The following AUTS2 variants were observed in gnomAD, a reference collection of about 807,000 sequenced individuals.
AUTS2 encodes the protein activator of transcription and developmental regulator AUTS2.
AUTS2 carries 17 observed loss-of-function variants against 112.4 expected under a neutral mutation model. That is an observed-to-expected ratio of 0.15 (90% CI 0.10 to 0.23). The LOEUF is 0.23. Among genes scored for constraint, AUTS2 ranks in the 10% least tolerant of loss-of-function variants. The probability of loss-of-function intolerance (pLI) is 1.00; values close to 1 mark genes in which losing one functional copy is unlikely to be tolerated. For missense variants in AUTS2, 1,510 were observed against 1,701.6 expected (o/e 0.89, Z 1.98); for synonymous variants, 751 against 702.7 (o/e 1.07, Z -1.09).
At chr7:70,303,439 T>TACACACAC (rs371608891) in intron 4 of AUTS2, among the ~76,000 whole-genome samples, 42 of 143,296 alleles carry the variant, frequency 2.9e-4, no homozygotes, top group African/African-American at 4.6e-4. Context: ...CGCGCGCACA[T>TACACACAC]ACACACACAC....
At chr7:69,669,640 A>G (rs1796223588) in intron 1 of AUTS2, among the ~76,000 whole-genome samples, 1 of 152,188 alleles carries the variant, frequency 6.6e-6, no homozygotes, top group Admixed American at 6.5e-5. Context: ...ATATTTCATA[A>G]AAGGTACATT....
At chr7:70,678,966 T>G (rs1189551172) in intron 5 of AUTS2, among the ~76,000 whole-genome samples, 2 of 152,146 alleles carry the variant, frequency 1.3e-5, no homozygotes, top group African/African-American at 4.8e-5. Context: ...ATGCTAATAC[T>G]CGGATTGGCA....
At chr7:70,721,867 A>G (rs1223145039) in intron 6 of AUTS2, among the ~76,000 whole-genome samples, 2 of 152,198 alleles carry the variant, frequency 1.3e-5, no homozygotes, top group East Asian at 3.8e-4. Context: ...TTTCAATGTT[A>G]AAAGTATCAT....
chr7:69,744,086 A>C (rs1584173853), intron 1 of AUTS2, among the ~76,000 whole-genome samples: 2 of 152,270 alleles, frequency 1.3e-5, no homozygotes, highest in Non-Finnish European at 2.9e-5. Context: ...ATGAACCACC[A>C]CGCCTGGCCA....
intron 2 of AUTS2, among the ~76,000 whole-genome samples, chr7:70,101,844 C>T (rs1804513265): frequency 6.6e-6 from 1 of 152,048 alleles, no homozygotes; most frequent in Non-Finnish European, 1.5e-5. Context: ...GAATTTCTTC[C>T]CCATGTCACT....
At chr7:70,491,137 T>C (rs1798211399) in intron 5 of AUTS2, among the ~76,000 whole-genome samples, 1 of 152,200 alleles carries the variant, frequency 6.6e-6, no homozygotes, top group Non-Finnish European at 1.5e-5. Flanking sequence ...CTCAGATGTT[T>C]ACCTGGCAGG....
intron 5 of AUTS2, among the ~76,000 whole-genome samples, chr7:70,652,497 G>T (rs1322732274): frequency 6.6e-6 from 1 of 152,188 alleles, no homozygotes; most frequent in Non-Finnish European, 1.5e-5. Flanking sequence ...TAAAGATCAA[G>T]TACCTAAGTA....
At chr7:70,003,725 A>G (rs1458111448) in intron 2 of AUTS2, among the ~76,000 whole-genome samples, 1 of 96,720 alleles carries the variant, frequency 1.0e-5, no homozygotes, top group Non-Finnish European at 2.0e-5. Context: ...GTTATATATG[A>G]ATATATATAA....
rs559179163 is a variant in AUTS2 at position 69,818,864 on chromosome 7, A to G, written c.310-80422A>G. Among the ~76,000 whole-genome samples, 4 of 152,356 alleles carry G rather than the reference A, an allele frequency of 2.6e-5. No individual in the cohort carries two copies. In the East Asian group the frequency reaches 7.7e-4, roughly 29 times the overall value. On this transcript the variant is annotated intron_variant, in intron 1 of 18. Coordinates refer to ENST00000342771, the MANE Select transcript of AUTS2 (RefSeq NM_015570.4). Reference sequence around the variant, plus strand: ...ACCTGGGTCTGTGACCTTTGTGTTTATAAGATATTTATCGCCTCATGGGCT... The same window carrying G: ...ACCTGGGTCTGTGACCTTTGTGTTTGTAAGATATTTATCGCCTCATGGGCT...
At chr7:70,247,896 G>A (rs923791459) in intron 4 of AUTS2, among the ~76,000 whole-genome samples, 8 of 152,046 alleles carry the variant, frequency 5.3e-5, no homozygotes, top group Non-Finnish European at 7.4e-5. Context: ...GCTTTTATCA[G>A]ATTAAGGAAG....
At chr7:70,162,650 G>T (rs1808154068) in intron 4 of AUTS2, among the ~76,000 whole-genome samples, 1 of 152,022 alleles carries the variant, frequency 6.6e-6, no homozygotes, top group Admixed American at 6.6e-5. Context: ...TCAGAGCCAA[G>T]AGATTCCCAA....
intron 1 of AUTS2, among the ~76,000 whole-genome samples, chr7:69,740,784 G>C (rs1340422272): frequency 6.6e-6 from 1 of 152,074 alleles, no homozygotes; most frequent in African/African-American, 2.4e-5. Context: ...GGCCTCCCAA[G>C]GTGCTGGGAT....
chr7:70,526,513 A>G (rs1477255254), intron 5 of AUTS2, among the ~76,000 whole-genome samples: 1 of 152,122 alleles, frequency 6.6e-6, no homozygotes, highest in Non-Finnish European at 1.5e-5. Flanking sequence ...CTCTACTAAA[A>G]ATACATAAAT....
intron 2 of AUTS2, among the ~76,000 whole-genome samples, chr7:70,079,970 T>C (rs1408265709): frequency 1.3e-5 from 2 of 152,170 alleles, no homozygotes; most frequent in Non-Finnish European, 2.9e-5. Context: ...TTTGAAGCTC[T>C]TTTATAATCA....
At chr7:69,787,447 C>T (rs554833515) in intron 1 of AUTS2, among the ~76,000 whole-genome samples, 5 of 152,258 alleles carry the variant, frequency 3.3e-5, no homozygotes, top group African/African-American at 1.2e-4. Flanking sequence ...CTTTTGTTGG[C>T]GAGACGAGTA....
At chr7:70,774,339 G>A (rs542124457) in intron 12 of AUTS2, 21 of 513,080 alleles carry the variant, frequency 4.1e-5, no homozygotes, top group South Asian at 2.7e-4. Flanking sequence ...AATGAGTTAC[G>A]GTCTGAGCCC....
chr7:70,398,424 T>C (rs570120199), intron 4 of AUTS2, among the ~76,000 whole-genome samples: 3 of 152,322 alleles, frequency 2.0e-5, no homozygotes, highest in African/African-American at 4.8e-5. Context: ...CTTAGCAATA[T>C]TTTGTATTTT....
intron 5 of AUTS2, among the ~76,000 whole-genome samples, chr7:70,682,557 G>A (rs1481759977): frequency 6.6e-6 from 1 of 152,186 alleles, no homozygotes; most frequent in Admixed American, 6.5e-5. Context: ...CCTCCCAGAG[G>A]CAGGAACACA....
chr7:69,602,845 T>C (rs1342675754), intron 1 of AUTS2, among the ~76,000 whole-genome samples: 1 of 152,228 alleles, frequency 6.6e-6, no homozygotes, highest in African/African-American at 2.4e-5. Context: ...TTGTTGGCTG[T>C]GTGCTATCAC....
Sources: allele counts gnomAD v4.1 joint callset (sites outside exome capture counted in the v4.1 genomes callset), GRCh38; gene constraint gnomAD v4.1.1; transcripts MANE v1.5; gene names NCBI Gene and HGNC (gene_info 2026-07-23, HGNC 2026-07-21).